Variants in ARHGAP22 observed in about 807,000 individuals in gnomAD.
The protein encoded by ARHGAP22 is rho GTPase-activating protein 22.
Under a neutral mutation model 59.1 loss-of-function variants are expected in ARHGAP22, and 48 were observed. The ratio of observed to expected loss-of-function variants is 0.81; its 90% CI spans 0.64 to 1.03. The LOEUF (loss-of-function observed/expected upper bound fraction) is 1.03, where lower values mean the gene tolerates loss of function less well. Among genes scored for constraint, ARHGAP22 ranks in the 50% least tolerant of loss-of-function variants. The probability of loss-of-function intolerance (pLI) is 0.00; values close to 1 mark genes in which losing one functional copy is unlikely to be tolerated. For synonymous variants in ARHGAP22, 445 were observed against 416.4 expected (o/e 1.07, Z -0.84); for missense variants, 1,015 against 958.7 (o/e 1.06, Z -0.78).
chr10:48,524,611 A>G (rs2054162238), intron 3 of ARHGAP22, among the ~76,000 whole-genome samples: 1 of 152,098 alleles, frequency 6.6e-6, no homozygotes, highest in Non-Finnish European at 1.5e-5. Flanking sequence ...CCCCACCAGC[A>G]TCCTCTGGGC....
chr10:48,450,852 G>A lies in ARHGAP22; in HGVS notation c.1277C>T (p.Pro426Leu), dbSNP rs2045861918. Reference sequence around the variant, plus strand: ...CTGCCGGAAGGAGGACTTCCAACTGGGCAGGGTCTGCACCTTCTTCCCAGG... The same window carrying A: ...CTGCCGGAAGGAGGACTTCCAACTGAGCAGGGTCTGCACCTTCTTCCCAGG... ...CSPGKKVQTL[P>L]SWKSSFRQPR... The change falls in exon 9 of 10, where the codon CCC becomes CTC. Residue 426 changes from proline to leucine, a missense_variant. By Grantham distance (98) the Pro-to-Leu change is moderately conservative (BLOSUM62 -3). Coordinates refer to ENST00000249601, the MANE Select transcript of ARHGAP22 (RefSeq NM_021226.4). The A allele has an allele frequency of 1.3e-6, 2 of 1,591,000 alleles. No homozygotes were observed. Among genetic ancestry groups the A allele is most frequent in the Non-Finnish European group, 8.6e-7 (1 of 1,169,268 alleles).
At chr10:48,652,149 A>G (rs1217804138) in intron 1 of ARHGAP22, 1 of 1,301,338 alleles carries the variant, frequency 7.7e-7, no homozygotes, top group Middle Eastern at 2.0e-4. Flanking sequence ...CAAGACCAAG[A>G]CAGCCTCCGG....
At chr10:48,431,031 AT>A in the ARHGAP22 span, 1 of 643,608 alleles carries the variant, frequency 1.6e-6, no homozygotes, top group Non-Finnish European at 2.8e-6. Context: ...ATTGTTATTA[AT>A]TAACATCCTT....
At chr10:48,505,414 C>A (rs898408270) in intron 3 of ARHGAP22, among the ~76,000 whole-genome samples, 1 of 152,206 alleles carries the variant, frequency 6.6e-6, no homozygotes, top group African/African-American at 2.4e-5. Context: ...CCATCCCACT[C>A]CCCTAATCCA....
rs575451950 is a variant in ARHGAP22 at position 48,643,479 on chromosome 10, C to T, written c.52+8755G>A. Among the ~76,000 whole-genome samples the T allele has an allele frequency of 2.6e-5, 4 of 152,154 alleles. No homozygotes were observed. The South Asian group carries it at 8.3e-4, about 32-fold the overall frequency. The stretch of plus-strand genomic sequence containing the variant: ...GGACATGGATGAAACTGGAAACCAT[C>T]ATTCTCAGCAAACTATTGCAAGCAC... On this transcript the variant is annotated intron_variant, in intron 1 of 9. Transcript: ENST00000435790.
At chr10:48,552,266 A>T (rs921660924) in intron 3 of ARHGAP22, among the ~76,000 whole-genome samples, 19 of 152,384 alleles carry the variant, frequency 1.2e-4, no homozygotes, top group Admixed American at 8.5e-4. Flanking sequence ...CCAGTACCAC[A>T]GGCCAGCACA....
At chr10:48,490,648 C>A (rs533678228) in intron 3 of ARHGAP22, among the ~76,000 whole-genome samples, 1 of 152,318 alleles carries the variant, frequency 6.6e-6, no homozygotes, top group East Asian at 1.9e-4. Context: ...CAGCTAGGTG[C>A]CCAAGGCAGG....
rs765399487 is a variant in ARHGAP22 at position 48,448,157 on chromosome 10, AG to A, written c.1869-1539del. 1.8e-4 allele frequency among the ~76,000 whole-genome samples: 27 copies of A among 152,240 alleles called. No homozygotes were observed. The East Asian group carries it at 4.5e-3, about 25-fold the overall frequency. ...AAACCAGAGCATTGCCCAGGCCAAA[AG>A]GCCCCACCCATTGCCCCCTCCCCAC... On this transcript the variant is annotated intron_variant, in intron 9 of 9. Coordinates refer to ENST00000249601, the MANE Select transcript of ARHGAP22 (RefSeq NM_021226.4).
intron 3 of ARHGAP22, among the ~76,000 whole-genome samples, chr10:48,532,297 G>A (rs2134966931): frequency 6.6e-6 from 1 of 152,154 alleles, no homozygotes; most frequent in South Asian, 2.1e-4. Flanking sequence ...GCCTCTTGGT[G>A]GTGAGGGTCT....
chr10:48,523,836 C>T (rs1285000351), intron 3 of ARHGAP22, among the ~76,000 whole-genome samples: 2 of 152,074 alleles, frequency 1.3e-5, no homozygotes, highest in Non-Finnish European at 2.9e-5. Context: ...ACATGGGGAC[C>T]GAGGAGCCCC....
At chr10:48,644,761 T>C (rs984899856) in intron 1 of ARHGAP22, among the ~76,000 whole-genome samples, 6 of 152,200 alleles carry the variant, frequency 3.9e-5, no homozygotes, top group African/African-American at 1.2e-4. Flanking sequence ...ATATTTATGG[T>C]ATACAGCAAA....
At chr10:48,648,174 A>C (rs891919472) in intron 1 of ARHGAP22, among the ~76,000 whole-genome samples, 1 of 152,218 alleles carries the variant, frequency 6.6e-6, no homozygotes, top group Non-Finnish European at 1.5e-5. Flanking sequence ...CGAATGGGTG[A>C]ATTTTATTGC....
At chr10:48,496,916 C>G (rs1021416008) in intron 3 of ARHGAP22, among the ~76,000 whole-genome samples, 1 of 152,118 alleles carries the variant, frequency 6.6e-6, no homozygotes. Flanking sequence ...TACTCACACT[C>G]GGCTTTCTCA....
At chr10:48,632,058 T>G (rs1018879311) in intron 1 of ARHGAP22, among the ~76,000 whole-genome samples, 1 of 152,242 alleles carries the variant, frequency 6.6e-6, no homozygotes. Flanking sequence ...GAGATTTCAG[T>G]GCACCTGTCA....
chr10:48,558,904 A>G (rs7094216), intron 2 of ARHGAP22, among the ~76,000 whole-genome samples: 23,234 of 152,232 alleles, frequency 0.15, 1,867 homozygotes, highest in Admixed American at 0.23. Context: ...TTCCTTACCT[A>G]GAAAATGAGG....
intron 3 of ARHGAP22, among the ~76,000 whole-genome samples, chr10:48,490,685 T>C (rs78555763): frequency 0.017 from 2,569 of 152,234 alleles, 71 homozygotes; most frequent in African/African-American, 0.058. Flanking sequence ...GGACTCTTCC[T>C]CTCCCTCACC....
chr10:48,468,232 CCCACAA>C (rs1358682388), intron 4 of ARHGAP22, among the ~76,000 whole-genome samples: 1 of 152,176 alleles, frequency 6.6e-6, no homozygotes, highest in Non-Finnish European at 1.5e-5. Context: ...AATGCCCTTC[CCCACAA>C]GATGTCCTGA....
At chr10:48,630,115 C>A (rs938187235) in intron 1 of ARHGAP22, among the ~76,000 whole-genome samples, 1 of 152,018 alleles carries the variant, frequency 6.6e-6, no homozygotes, top group South Asian at 2.1e-4. Context: ...TTTTTTCAGA[C>A]GGAGTCTTGC....
intron 1 of ARHGAP22, among the ~76,000 whole-genome samples, chr10:48,643,739 C>T (rs2062161678): frequency 7.5e-6 from 1 of 132,940 alleles, no homozygotes; most frequent in South Asian, 2.4e-4. Flanking sequence ...GTACCTAGAA[C>T]TTAAAGTATA....
Sources: allele counts gnomAD v4.1 joint callset (sites outside exome capture counted in the v4.1 genomes callset), GRCh38; gene constraint gnomAD v4.1.1; transcripts MANE v1.5; gene names NCBI Gene and HGNC (gene_info 2026-07-23, HGNC 2026-07-21).